Variants in ARL15 observed in about 807,000 individuals in gnomAD.
The protein encoded by ARL15 is ADP-ribosylation factor-like protein 15.
Under a neutral mutation model 25.2 loss-of-function variants are expected in ARL15, and 19 were observed. The ratio of observed to expected loss-of-function variants is 0.75; its 90% CI spans 0.53 to 1.10. The LOEUF (loss-of-function observed/expected upper bound fraction) is 1.10. Among genes scored for constraint, ARL15 ranks in the 50% least tolerant of loss-of-function variants. The pLI is 0.00. For missense variants in ARL15, 220 were observed against 246.0 expected, an observed-to-expected ratio of 0.89 and a Z score of 0.71; for synonymous variants, 94 against 86.8, an observed-to-expected ratio of 1.08 and a Z score of -0.46.
chr5:53,922,855 G>C (rs780758078), intron 4 of ARL15, among the ~76,000 whole-genome samples: 1 of 152,096 alleles, frequency 6.6e-6, no homozygotes, highest in African/African-American at 2.4e-5. Context: ...TCTGAAAACT[G>C]TCTATTCCCC....
chr5:54,094,193 A>G (rs1481295468), intron 4 of ARL15, among the ~76,000 whole-genome samples: 1 of 152,192 alleles, frequency 6.6e-6, no homozygotes, highest in African/African-American at 2.4e-5. Context: ...GTGACTTCCT[A>G]GACCAGACCA....
intron 4 of ARL15, among the ~76,000 whole-genome samples, chr5:53,954,966 C>A (rs1307961139): frequency 2.0e-5 from 3 of 151,872 alleles, no homozygotes; most frequent in Non-Finnish European, 4.4e-5. Context: ...AGAAATAGTT[C>A]TTTGGGTGAA....
intron 4 of ARL15, among the ~76,000 whole-genome samples, chr5:53,993,698 C>T (rs749059445): frequency 1.2e-4 from 19 of 152,252 alleles, no homozygotes; most frequent in Non-Finnish European, 2.2e-4. Flanking sequence ...GCAAAAGCCT[C>T]CCACACAATT....
intron 3 of ARL15, among the ~76,000 whole-genome samples, chr5:54,135,823 T>C (rs1753585284): frequency 6.6e-6 from 1 of 152,152 alleles, no homozygotes; most frequent in African/African-American, 2.4e-5. Context: ...TTTTATGAGA[T>C]AAAAACTGCT....
At chr5:54,043,326 C>T (rs891192265) in intron 4 of ARL15, among the ~76,000 whole-genome samples, 1 of 152,112 alleles carries the variant, frequency 6.6e-6, no homozygotes, top group African/African-American at 2.4e-5. Context: ...CCACACTTTG[C>T]ACAGTGTTTT....
Position 54,113,353 on chromosome 5 carries a change from A to G in ARL15, c.311T>C (p.Ile104Thr). ...SRYYQGSQGV[I>T]FVLDSASSED... ...TGAAGAGGCACTGTCTAATACAAATATTACCCCTTGAGATCCTTGGTAGTA... is the reference window on the plus strand; with the variant it reads ...TGAAGAGGCACTGTCTAATACAAATGTTACCCCTTGAGATCCTTGGTAGTA... Residue 104 changes from isoleucine (I) to threonine (T), a missense_variant, in exon 4 of 5, where the codon ATA becomes ACA. Ile to Thr is a moderately conservative substitution (Grantham distance 89). Coordinates refer to ENST00000504924, the MANE Select transcript of ARL15 (RefSeq NM_019087.3). 1 of 1,613,924 alleles carries G rather than the reference A, an allele frequency of 6.2e-7. No homozygotes were observed. The highest frequency in any genetic ancestry group is 8.5e-7 in the Non-Finnish European group (1 of 1,179,852).
chr5:53,937,288 T>C (rs1746379787), intron 4 of ARL15, among the ~76,000 whole-genome samples: 1 of 142,746 alleles, frequency 7.0e-6, no homozygotes, highest in Admixed American at 7.0e-5. Context: ...TGTGCACGCC[T>C]GCGCATACAC....
chr5:54,163,759 T>C (rs976428836), intron 2 of ARL15, among the ~76,000 whole-genome samples: 3 of 152,002 alleles, frequency 2.0e-5, no homozygotes, highest in African/African-American at 4.8e-5. Context: ...GTCACCTTTC[T>C]TATTCCTGAT....
intron 4 of ARL15, chr5:54,048,168 A>G (rs1750584304): frequency 6.6e-6 from 1 of 151,934 alleles, no homozygotes; most frequent in South Asian, 2.1e-4. Flanking sequence ...CTAGGAGGTT[A>G]CCATACTGAT....
intron 1 of ARL15, among the ~76,000 whole-genome samples, chr5:54,288,856 C>G (rs1758247942): frequency 6.6e-6 from 1 of 152,102 alleles, no homozygotes; most frequent in South Asian, 2.1e-4. Context: ...GCAATAAAAA[C>G]TGAATATAGG....
intron 3 of ARL15, among the ~76,000 whole-genome samples, chr5:54,138,831 AC>A (rs1753682560): frequency 1.3e-5 from 2 of 152,318 alleles, no homozygotes; most frequent in Admixed American, 1.3e-4. Context: ...CAAGAAAAAA[AC>A]AATCCTATCA....
At position 53,958,740 on chromosome 5, in the gene ARL15, T is replaced by C. The variant is rs141801926; in HGVS notation, c.463-72027A>G. ...GATGAAAAAAGATATTGTATGCACATAGTGACCAAAAAACAGTTGGTGTGA... is the reference window on the plus strand; with the variant it reads ...GATGAAAAAAGATATTGTATGCACACAGTGACCAAAAAACAGTTGGTGTGA... On this transcript the variant is annotated intron_variant, in intron 4 of 4. Transcript: ENST00000504924. Among the ~76,000 whole-genome samples the C allele has an allele frequency of 5.6e-3, 855 of 152,198 alleles. 5 individuals are homozygous for C. Among genetic ancestry groups the C allele is most frequent in the African/African-American group, 0.02 (811 of 41,558 alleles).
At chr5:54,164,873 A>G (rs1754520327) in intron 2 of ARL15, among the ~76,000 whole-genome samples, 1 of 151,788 alleles carries the variant, frequency 6.6e-6, no homozygotes, top group Admixed American at 6.6e-5. Context: ...ATTATTATTG[A>G]TGTTTAGGTT....
At chr5:54,180,792 C>T (rs1225690026) in intron 1 of ARL15, among the ~76,000 whole-genome samples, 2 of 152,182 alleles carry the variant, frequency 1.3e-5, no homozygotes, top group African/African-American at 4.8e-5. Context: ...TTGTTCTGGG[C>T]TGTCTCCTGT....
At chr5:54,228,823 T>C (rs2112548968) in intron 1 of ARL15, among the ~76,000 whole-genome samples, 1 of 152,276 alleles carries the variant, frequency 6.6e-6, no homozygotes, top group Admixed American at 6.5e-5. Flanking sequence ...AAGAGATCTG[T>C]TTTCCTTATT....
intron 4 of ARL15, among the ~76,000 whole-genome samples, chr5:53,944,882 T>A (rs902743690): frequency 6.6e-6 from 1 of 152,140 alleles, no homozygotes; most frequent in Non-Finnish European, 1.5e-5. Context: ...AAAAGCATGG[T>A]TAGAAGTAGC....
At chr5:54,180,051 G>A (rs1307238042) in intron 1 of ARL15, among the ~76,000 whole-genome samples, 1 of 150,168 alleles carries the variant, frequency 6.7e-6, no homozygotes, top group Non-Finnish European at 1.5e-5. Context: ...AAGCCCATGT[G>A]AGCTGCAGAG....
chr5:54,290,040 C>T (rs17513184), intron 1 of ARL15, among the ~76,000 whole-genome samples: 8,343 of 152,162 alleles, frequency 0.055, 282 homozygotes, highest in Non-Finnish European at 0.083. Flanking sequence ...ACCTGCATTA[C>T]CAGGACTAAC....
chr5:54,057,995 T>A (rs1308436903), intron 4 of ARL15, among the ~76,000 whole-genome samples: 4 of 92,006 alleles, frequency 4.3e-5, no homozygotes, highest in African/African-American at 3.0e-4. Context: ...TGCCTTTATT[T>A]ATTTATTTAT....
Sources: gnomAD v4.1 joint callset for allele counts (sites outside exome capture counted in the v4.1 genomes callset) on GRCh38, gnomAD v4.1.1 for gene constraint, MANE v1.5 for transcripts, NCBI Gene and HGNC (gene_info 2026-07-23, HGNC 2026-07-21) for gene names.